SLC35D2: variants seen among roughly 807,000 people sequenced by gnomAD.
SLC35D2 encodes solute carrier family 35 member D2, also known as nucleotide sugar transporter SLC35D2.
Under a neutral mutation model 41.8 loss-of-function variants are expected in SLC35D2, and 43 were observed. The observed-to-expected ratio is 1.03, with a 90% CI of 0.81 to 1.33. The LOEUF (loss-of-function observed/expected upper bound fraction) is 1.33. Ranked by LOEUF, SLC35D2 falls within the 40% of genes most tolerant of loss-of-function variation. The pLI, the probability that SLC35D2 is intolerant of heterozygous loss-of-function variation, is 0.00. For synonymous variants in SLC35D2, 150 were observed against 163.9 expected (o/e 0.92, Z 0.65); for missense variants, 380 against 408.4 (o/e 0.93, Z 0.60).
chr9:96,364,633 C>G, intron 2 of SLC35D2, 83 bp from the exon 3 acceptor site: 1 of 798,270 alleles, frequency 1.3e-6, no homozygotes, highest in South Asian at 1.5e-5. Flanking sequence ...AAAGAAAACA[C>G]ATTCATCAAA....
intron 6 of SLC35D2, among the ~76,000 whole-genome samples, chr9:96,346,830 T>A (rs1396048852): frequency 3.9e-4 from 53 of 136,042 alleles, no homozygotes; most frequent in African/African-American, 1.0e-3. Flanking sequence ...AGTCACAATT[T>A]AAAAAAAAAA....
In SLC35D2 at chr9:96,334,508, G is replaced by A. The variant is rs7847707; in HGVS notation, c.752+2209C>T. Among the ~76,000 whole-genome samples the A allele has an allele frequency of 1.8e-3, 268 of 152,102 alleles. 2 individuals carry two copies. Among genetic ancestry groups the A allele is most frequent in the African/African-American group, 6.1e-3 (253 of 41,498 alleles). On this transcript the variant is annotated intron_variant, in intron 9 of 11. Transcript: ENST00000253270. ...CAAAAATTAGCCAGGTGTGGTGGTGGGCAACTGTAATCCCAGCTACTCAGG... is the reference window on the plus strand; with the variant it reads ...CAAAAATTAGCCAGGTGTGGTGGTGAGCAACTGTAATCCCAGCTACTCAGG...
downstream of SLC35D2, among the ~76,000 whole-genome samples, chr9:96,319,524 G>A (rs927095342): frequency 6.6e-6 from 1 of 151,550 alleles, no homozygotes; most frequent in East Asian, 1.9e-4. Context: ...AGTTTTTTTT[G>A]AGACAGGGTC....
chr9:96,333,792 A>C (rs1371903357), intron 9 of SLC35D2, among the ~76,000 whole-genome samples: 1 of 152,054 alleles, frequency 6.6e-6, no homozygotes, highest in Non-Finnish European at 1.5e-5. Context: ...AAAACAAAAA[A>C]CAAACCAAAA....
intron 4 of SLC35D2, among the ~76,000 whole-genome samples, chr9:96,359,919 C>A (rs1830190674): frequency 6.6e-6 from 1 of 152,164 alleles, no homozygotes. Context: ...ATGTCTACAG[C>A]TCTCAGATTC....
chr9:96,372,001 C>T (rs1830719608), intron 1 of SLC35D2, among the ~76,000 whole-genome samples: 1 of 152,092 alleles, frequency 6.6e-6, no homozygotes, highest in East Asian at 1.9e-4. Context: ...GCTGGGATTA[C>T]AGGCGTGAGC....
chr9:96,333,087 T>C (rs1413685582), intron 9 of SLC35D2, among the ~76,000 whole-genome samples: 2 of 150,366 alleles, frequency 1.3e-5, no homozygotes, highest in African/African-American at 2.4e-5. Flanking sequence ...TTAGTAGAGA[T>C]GGGGTTTCAC....
chr9:96,373,662 G>A (rs1356514709), intron 1 of SLC35D2, among the ~76,000 whole-genome samples: 3 of 149,668 alleles, frequency 2.0e-5, no homozygotes, highest in Non-Finnish European at 4.4e-5. Flanking sequence ...ACTTCAGCCT[G>A]GCCGACAAGA....
At chr9:96,382,496 CTATA>C (rs142809659) in intron 1 of SLC35D2, among the ~76,000 whole-genome samples, 3 of 127,856 alleles carry the variant, frequency 2.3e-5, no homozygotes, top group Admixed American at 7.7e-5. Context: ...CACACACACA[CTATA>C]TATATATATA....
intron 4 of SLC35D2, among the ~76,000 whole-genome samples, chr9:96,355,777 T>C (rs1587695405): frequency 6.6e-6 from 1 of 152,332 alleles, no homozygotes; most frequent in Non-Finnish European, 1.5e-5. Flanking sequence ...ATTACAGGCG[T>C]GAGCCACTGT....
At chr9:96,344,542 G>GA (rs755135394) in intron 7 of SLC35D2, among the ~76,000 whole-genome samples, 74 of 37,708 alleles carry the variant, frequency 2.0e-3, no homozygotes, top group East Asian at 3.5e-3. Flanking sequence ...CCATGCAGGG[G>GA]AAAAAAAAAA....
rs372800616 is a variant in SLC35D2 at position 96,329,328 on chromosome 9, T to A, written c.753-5159A>T. On this transcript the variant is annotated intron_variant, in intron 9 of 11. Transcript: ENST00000253270. Reference sequence around the variant, plus strand: ...TCACTGCAGCCTCAAACTCCTGAGCTCAAGCAATCCTCCTGCCTCACCCTC... The same window carrying A: ...TCACTGCAGCCTCAAACTCCTGAGCACAAGCAATCCTCCTGCCTCACCCTC... Among the ~76,000 whole-genome samples the A allele has an allele frequency of 7.9e-5, 12 of 151,994 alleles. No homozygotes were observed. The East Asian group carries it at 2.3e-3, about 29-fold the overall frequency.
chr9:96,358,759 C>A (rs1215100374), intron 4 of SLC35D2, among the ~76,000 whole-genome samples: 1 of 152,010 alleles, frequency 6.6e-6, no homozygotes, highest in Non-Finnish European at 1.5e-5. Context: ...GAGGCCAAGA[C>A]AGGCAGATTA....
chr9:96,370,916 C>T (rs1830647835), intron 1 of SLC35D2, among the ~76,000 whole-genome samples: 2 of 152,112 alleles, frequency 1.3e-5, no homozygotes, highest in South Asian at 4.1e-4. Context: ...GACCAAACAA[C>T]CTAACTGCCA....
intron 9 of SLC35D2, among the ~76,000 whole-genome samples, chr9:96,326,758 A>G (rs1273258816): frequency 6.6e-6 from 1 of 151,220 alleles, no homozygotes; most frequent in East Asian, 1.9e-4. Context: ...GTGAGCCGGG[A>G]TCGCACCACT....
chr9:96,361,091 C>A (rs945649963), intron 3 of SLC35D2, among the ~76,000 whole-genome samples: 47 of 152,118 alleles, frequency 3.1e-4, no homozygotes, highest in African/African-American at 1.1e-3. Context: ...TATGAAGCAA[C>A]AGGGACTTTC....
chr9:96,344,673 A>T (rs112488246), intron 7 of SLC35D2, among the ~76,000 whole-genome samples: 1 of 134,614 alleles, frequency 7.4e-6, no homozygotes, highest in South Asian at 2.5e-4. Context: ...ACAAAGAAAC[A>T]TATGCCTGAC....
chr9:96,324,434 C>T (rs1828411562), intron 9 of SLC35D2, among the ~76,000 whole-genome samples: 1 of 151,968 alleles, frequency 6.6e-6, no homozygotes, highest in Non-Finnish European at 1.5e-5. Context: ...GTTTCCACAA[C>T]ATGGGAGTAA....
intron 1 of SLC35D2, among the ~76,000 whole-genome samples, chr9:96,383,156 T>C (rs868800809): frequency 6.6e-6 from 1 of 152,174 alleles, no homozygotes. Context: ...ATTGCGTCCT[T>C]TGAAGCAGGC....
Sources: gnomAD v4.1 joint callset for allele counts (sites outside exome capture counted in the v4.1 genomes callset) on GRCh38, gnomAD v4.1.1 for gene constraint, MANE v1.5 for transcripts, NCBI Gene and HGNC (gene_info 2026-07-23, HGNC 2026-07-21) for gene names.